PDXK: variants seen among roughly 807,000 people sequenced by gnomAD.
PDXK encodes the protein epididymis secretory sperm binding protein Li 1a.
A neutral mutation model predicts 43.2 loss-of-function variants in PDXK; 15 were observed. The ratio of observed to expected loss-of-function variants is 0.35; its 90% CI spans 0.23 to 0.53. The LOEUF is 0.53. Ranked by LOEUF, PDXK falls within the 20% of genes least tolerant of loss-of-function variation. PDXK has a pLI of 0.92. For missense variants in PDXK, 343 were observed against 417.0 expected (o/e 0.82, Z 1.54); for synonymous variants, 172 against 165.4 (o/e 1.04, Z -0.31).
intron 8 of PDXK, among the ~76,000 whole-genome samples, chr21:43,753,347 C>A (rs1208090197): frequency 2.0e-5 from 3 of 152,222 alleles, no homozygotes; most frequent in Admixed American, 2.0e-4. Context: ...AGTTTCACAG[C>A]GACCCCCGAG....
intron 2 of PDXK, chr21:43,736,916 G>T (rs1471806256): frequency 2.9e-6 from 2 of 700,072 alleles, no homozygotes; most frequent in Admixed American, 4.0e-5. Flanking sequence ...TTACAGGTGT[G>T]AGACTCCACG....
intron 7 of PDXK, among the ~76,000 whole-genome samples, chr21:43,752,173 T>C (rs1234039941): frequency 6.6e-6 from 1 of 152,130 alleles, no homozygotes; most frequent in African/African-American, 2.4e-5. Flanking sequence ...GTGGAGACAG[T>C]TTCTACGAGA....
intron 2 of PDXK, chr21:43,741,464 C>CA (rs1669741289): frequency 9.4e-7 from 1 of 1,066,238 alleles, no homozygotes; most frequent in African/African-American, 2.2e-5. Flanking sequence ...GGGGGGCTCG[C>CA]GGGGGGCTCG....
At chr21:43,719,466 A>AG in intron 1 of PDXK, 85 bp downstream of exon 1, 1 of 1,384,418 alleles carries the variant, frequency 7.2e-7, no homozygotes, top group South Asian at 1.3e-5. Flanking sequence ...CAGTTCCCCG[A>AG]GGGAGGCTCG....
At chr21:43,749,623 G>A (rs1202596521) in intron 6 of PDXK, among the ~76,000 whole-genome samples, 1 of 151,562 alleles carries the variant, frequency 6.6e-6, no homozygotes, top group Non-Finnish European at 1.5e-5. Flanking sequence ...TGGGTCCCAG[G>A]CTCACGTCTT....
rs2083856405 is a variant in PDXK at position 43,756,644 on chromosome 21, TA to T, written c.*582del. ...CAGATCTTAGGCTGTTGTTTCACCG[TA>T]TGGGAGGGTTGATGTGAGCTTGCTT... On this transcript the variant is annotated 3_prime_UTR_variant, in exon 11 of 11. Transcript: ENST00000291565. 6.5e-6 allele frequency: 1 copy of T among 153,056 alleles called. No individual in the cohort carries two copies. The highest frequency in any genetic ancestry group is 1.5e-5 in the Non-Finnish European group (1 of 68,710). 9.5% of individuals were successfully genotyped at this position (153,056 alleles called of 1,614,324 possible).
In PDXK at chr21:43,734,025, G is replaced by T. The variant is rs772956581; in HGVS notation, c.88-44G>T. 1 of 1,602,558 alleles carries T rather than the reference G, an allele frequency of 6.2e-7. No individual in the cohort carries two copies. Among genetic ancestry groups the T allele is most frequent in the Admixed American group, 1.7e-5 (1 of 59,998 alleles). On this transcript the variant is annotated intron_variant, in intron 1 of 10. Coordinates refer to ENST00000291565, the MANE Select transcript of PDXK (RefSeq NM_003681.5). The surrounding 1 kb of genome is among the most constrained non-coding windows in gnomAD (Gnocchi z 5.0). ...ACCTGCTGGGGTTCGTGGGACCCCA[G>T]ACCTGGCTCTCTTACGCCTACCTGT...
chr21:43,750,121 C>T (rs558539630), intron 6 of PDXK, among the ~76,000 whole-genome samples: 14 of 152,308 alleles, frequency 9.2e-5, no homozygotes, highest in South Asian at 6.2e-4. Context: ...CACTCGAGGC[C>T]CCTGAGCCAT....
chr21:43,720,372 C>A (rs557880613), intron 1 of PDXK, among the ~76,000 whole-genome samples: 1 of 152,240 alleles, frequency 6.6e-6, no homozygotes, highest in East Asian at 1.9e-4. Flanking sequence ...CACGGCGGGG[C>A]CTGCGGTGCG....
intron 1 of PDXK, among the ~76,000 whole-genome samples, chr21:43,728,454 C>G (rs971356418): frequency 3.9e-5 from 6 of 152,200 alleles, no homozygotes; most frequent in Non-Finnish European, 7.4e-5. Flanking sequence ...CCTGGAACGC[C>G]TGGAACTAGG....
chr21:43,745,904 G>A (rs1204186557), intron 4 of PDXK, 175 bp from the exon 5 acceptor site: 4 of 635,498 alleles, frequency 6.3e-6, no homozygotes, highest in African/African-American at 5.4e-5. Context: ...GGGTGAGGCA[G>A]GAGGATCGCC....
rs754975186 is a variant in PDXK at position 43,752,538 on chromosome 21, T to C, written c.531T>C (p.Ser177=). ...EALRVMDMLH[S]MGPDTVVITS... Reference sequence around the variant, plus strand: ...GCTAGGTGATGGACATGCTGCACTCTATGGGCCCCGACACCGTGGTCATCA... The same window carrying C: ...GCTAGGTGATGGACATGCTGCACTCCATGGGCCCCGACACCGTGGTCATCA... The change falls in exon 8 of 11, where the codon TCT becomes TCC. Residue 177 remains serine (S), a synonymous_variant. Transcript: ENST00000291565. 2.5e-6 allele frequency: 4 copies of C among 1,611,560 alleles called. No individual in the cohort carries two copies. The African/African-American group carries it at 5.3e-5, about 22-fold the overall frequency.
rs1252578880 is a variant in PDXK, at chr21:43,737,982, T to C, written c.143-3685T>C. ...TGCAAGACCATGCCCTCTGTTTCGA[T>C]AGGAAGCTGGGCCTCAGAGGGGCCT... On this transcript the variant is annotated intron_variant, in intron 2 of 10. Coordinates refer to ENST00000291565, the MANE Select transcript of PDXK (RefSeq NM_003681.5). This position sits in a 1 kb window ranked among gnomAD's most constrained non-coding sequence, Gnocchi z 4.8. 1 of 985,222 alleles carries C rather than the reference T, an allele frequency of 1.0e-6. No individual in the cohort carries two copies. The highest frequency in any genetic ancestry group is 6.2e-5 in the Admixed American group (1 of 16,258). 61.0% of individuals were successfully genotyped at this position (985,222 alleles called of 1,614,324 possible).
intron 7 of PDXK, 21 bp from the exon 8 acceptor site, chr21:43,752,497 C>T (rs202096648): frequency 4.9e-5 from 75 of 1,541,424 alleles, no homozygotes; most frequent in Admixed American, 4.2e-4. Flanking sequence ...CCGTGGCTGA[C>T]GCTCCCTGTG....
chr21:43,745,632 A>G (rs1451497421), intron 4 of PDXK: 1 of 173,960 alleles, frequency 5.7e-6, no homozygotes, highest in African/African-American at 2.4e-5. Context: ...ATTATGGTAT[A>G]TATTTTTTAC....
At chr21:43,749,752 C>T (rs2083701712) in intron 6 of PDXK, among the ~76,000 whole-genome samples, 1 of 152,124 alleles carries the variant, frequency 6.6e-6, no homozygotes, top group Non-Finnish European at 1.5e-5. Flanking sequence ...GTGGGCTTGT[C>T]GGGGCCACCA....
intron 2 of PDXK, among the ~76,000 whole-genome samples, chr21:43,740,369 G>A (rs1017328388): frequency 1.3e-5 from 2 of 152,270 alleles, no homozygotes. Context: ...AGAGCCGGCC[G>A]TGACCCACAA....
At chr21:43,722,734 G>A (rs763929305) in intron 1 of PDXK, among the ~76,000 whole-genome samples, 1 of 152,176 alleles carries the variant, frequency 6.6e-6, no homozygotes, top group Non-Finnish European at 1.5e-5. Context: ...CGTGGCCTCC[G>A]CCCAGTGTGC....
chr21:43,739,818 C>T (rs1019283996), intron 2 of PDXK, among the ~76,000 whole-genome samples: 3 of 151,788 alleles, frequency 2.0e-5, no homozygotes, highest in African/African-American at 2.4e-5. Context: ...TGAGTCCCAC[C>T]CTGCCTGGAA....
Sources: gnomAD v4.1 joint callset for allele counts (sites outside exome capture counted in the v4.1 genomes callset) on GRCh38, gnomAD v4.1.1 for gene constraint, Gnocchi (gnomAD v3.1) non-coding constraint, MANE v1.5 for transcripts, NCBI Gene and HGNC (gene_info 2026-07-23, HGNC 2026-07-21) for gene names.